Variants in PRMT8 observed in about 807,000 individuals in gnomAD.
The protein encoded by PRMT8 is protein arginine methyltransferase 8, also known as protein arginine N-methyltransferase 8.
PRMT8 carries 7 observed loss-of-function variants against 47.1 expected under a neutral mutation model. The observed-to-expected ratio is 0.15, with a 90% CI of 0.08 to 0.28. PRMT8 has a LOEUF of 0.28. Ranked by LOEUF, PRMT8 falls within the 10% of genes least tolerant of loss-of-function variation. The probability of loss-of-function intolerance (pLI) is 1.00; values close to 1 mark genes in which losing one functional copy is unlikely to be tolerated. For missense variants in PRMT8, 237 were observed against 505.4 expected (o/e 0.47, Z 5.09); for synonymous variants, 188 against 186.5 (o/e 1.01, Z -0.07).
At chr12:3,416,155 C>A (rs1864481785) in intron 1 of PRMT8, among the ~76,000 whole-genome samples, 2 of 152,238 alleles carry the variant, frequency 1.3e-5, no homozygotes, top group Non-Finnish European at 2.9e-5. Context: ...CGGGCCTCTC[C>A]TCTAACTCCT....
In PRMT8 at chr12:3,493,012, C is replaced by T. The variant is rs905971970; in HGVS notation, c.75+1312C>T. Reference sequence around the variant, plus strand: ...TTCTTCCCTCGAGTTCTTAACTCTGCGCTAAAACCCCTACCCCACGGCGTA... The same window carrying T: ...TTCTTCCCTCGAGTTCTTAACTCTGTGCTAAAACCCCTACCCCACGGCGTA... On this transcript the variant is annotated intron_variant, in intron 1 of 9. Coordinates refer to ENST00000382622, the MANE Select transcript of PRMT8 (RefSeq NM_019854.5). This position sits in a 1 kb window ranked among gnomAD's most constrained non-coding sequence, Gnocchi z 8.2. Among the ~76,000 whole-genome samples, 2 of 152,096 alleles carry T rather than the reference C, an allele frequency of 1.3e-5. No individual in the cohort carries two copies. The highest frequency in any genetic ancestry group is 1.3e-4 in the Admixed American group (2 of 15,280).
At chr12:3,584,500 G>A (rs969093525) in intron 8 of PRMT8, among the ~76,000 whole-genome samples, 11 of 152,158 alleles carry the variant, frequency 7.2e-5, no homozygotes, top group African/African-American at 2.2e-4. Context: ...TGTCCTCAGG[G>A]TGAACCTAAC....
At chr12:3,389,248 A>G (rs12824071) in intron 1 of PRMT8, among the ~76,000 whole-genome samples, 16,704 of 152,150 alleles carry the variant, frequency 0.11, 1,593 homozygotes, top group African/African-American at 0.24. Context: ...TTGTAGATGA[A>G]GAAACTGAGC....
chr12:3,587,564 C>T (rs1867207731), intron 8 of PRMT8, among the ~76,000 whole-genome samples: 2 of 152,154 alleles, frequency 1.3e-5, no homozygotes, highest in African/African-American at 4.8e-5. Context: ...TCTGCATCTT[C>T]CTGGATGCCC....
At chr12:3,442,709 A>T (rs879812794) in intron 1 of PRMT8, among the ~76,000 whole-genome samples, 2 of 152,144 alleles carry the variant, frequency 1.3e-5, no homozygotes, top group African/African-American at 2.4e-5. Flanking sequence ...CCCAGGCTGG[A>T]GTGCAATGGC....
intron 1 of PRMT8, among the ~76,000 whole-genome samples, chr12:3,394,420 AG>A (rs1201701380): frequency 2.6e-5 from 4 of 152,250 alleles, no homozygotes; most frequent in Admixed American, 1.3e-4. Flanking sequence ...TTTAGCATGA[AG>A]GGTTGTTGAA....
intron 1 of PRMT8, among the ~76,000 whole-genome samples, chr12:3,405,871 C>T (rs1864368133): frequency 6.6e-6 from 1 of 152,198 alleles, no homozygotes; most frequent in African/African-American, 2.4e-5. Context: ...AAGTACCATT[C>T]TGAGATCTGG....
chr12:3,440,654 T>C (rs1375181442), intron 1 of PRMT8, among the ~76,000 whole-genome samples: 7 of 152,104 alleles, frequency 4.6e-5, no homozygotes, highest in Non-Finnish European at 8.8e-5. Context: ...TATTGCAGTG[T>C]TCCACAATCT....
intron 1 of PRMT8, among the ~76,000 whole-genome samples, chr12:3,484,081 A>G (rs1344622435): frequency 6.6e-6 from 1 of 152,146 alleles, no homozygotes; most frequent in Non-Finnish European, 1.5e-5. Flanking sequence ...AGTAATTAAC[A>G]TTACTTACAG....
chr12:3,577,296 C>T (rs1456426666), intron 7 of PRMT8, among the ~76,000 whole-genome samples: 2 of 152,178 alleles, frequency 1.3e-5, no homozygotes, highest in Admixed American at 6.5e-5. Flanking sequence ...AAGAGGAGAG[C>T]GTGCTCAGGT....
rs186868468 is a variant in PRMT8 at position 3,577,228 on chromosome 12, G to A, written c.828+242G>A. Among the ~76,000 whole-genome samples, 705 of 152,362 alleles carry A rather than the reference G, an allele frequency of 4.6e-3. 8 individuals are homozygous for A. Among genetic ancestry groups the A allele is most frequent in the African/African-American group, 0.016 (681 of 41,574 alleles). ...GGGCCCCAGCACAGGGGCCCTGGTG[G>A]CGTGCAGAAGGGTGGGGGTGCAGGG... On this transcript the variant is annotated intron_variant, in intron 7 of 9. Coordinates refer to ENST00000382622, the MANE Select transcript of PRMT8 (RefSeq NM_019854.5).
rs1386565068 is a variant in PRMT8, at chr12:3,569,979, C to G, written c.712+415C>G. On this transcript the variant is annotated intron_variant, in intron 6 of 9. Coordinates refer to ENST00000382622, the MANE Select transcript of PRMT8 (RefSeq NM_019854.5). The surrounding 1 kb of genome is among the most constrained non-coding windows in gnomAD (Gnocchi z 8.2). Reference sequence around the variant, plus strand: ...AGGCCAATTGTTTTGAATCCTGCCTCCATTCCATTCAAACTTATCAAAATA... The same window carrying G: ...AGGCCAATTGTTTTGAATCCTGCCTGCATTCCATTCAAACTTATCAAAATA... Among the ~76,000 whole-genome samples, 1 of 152,158 alleles carries G rather than the reference C, an allele frequency of 6.6e-6. No homozygotes were observed. The highest frequency in any genetic ancestry group is 1.5e-5 in the Non-Finnish European group (1 of 68,042).
At chr12:3,394,525 G>A (rs1407977034) in intron 1 of PRMT8, among the ~76,000 whole-genome samples, 26 of 151,400 alleles carry the variant, frequency 1.7e-4, no homozygotes, top group South Asian at 6.3e-4. Context: ...ATTGATTTGC[G>A]TATATTGAAC....
Position 3,492,604 on chromosome 12 carries a change from C to G in PRMT8, c.75+904C>G, listed in dbSNP as rs1865439614. ...CCGCAGAGAGCCCTGCTGGGCTTTG[C>G]GTCCCGAGACTCGAGGCTGTGATCC... is the stretch of plus-strand genomic sequence containing the variant. On this transcript the variant is annotated intron_variant, in intron 1 of 9. Transcript: ENST00000382622. This position sits in a 1 kb window ranked among gnomAD's most constrained non-coding sequence, Gnocchi z 7.5. 6.6e-6 allele frequency among the ~76,000 whole-genome samples: 1 copy of G among 152,236 alleles called. No individual in the cohort carries two copies. The highest frequency in any genetic ancestry group is 1.5e-5 in the Non-Finnish European group (1 of 68,036).
rs537382894 is a variant in PRMT8, at chr12:3,430,061, T to G, written c.48+48619T>G. ...TATTCAGCTGGGAGCACCGGCAGAC[T>G]CATGTCTCCAAAAACTGAGCTCTCT... On this transcript the variant is annotated intron_variant, in intron 1 of 9. Coordinates refer to the PRMT8 transcript ENST00000452611. Among the ~76,000 whole-genome samples, 17 of 152,312 alleles carry G rather than the reference T, an allele frequency of 1.1e-4. No individual in the cohort carries two copies. The South Asian group carries it at 3.5e-3, about 32-fold the overall frequency.
intron 1 of PRMT8, among the ~76,000 whole-genome samples, chr12:3,418,626 C>CG (rs1864507666): frequency 6.6e-6 from 1 of 152,170 alleles, no homozygotes; most frequent in African/African-American, 2.4e-5. Flanking sequence ...TGTGTGGAGG[C>CG]GGGGATTACT....
At chr12:3,464,329 T>C (rs989594982) in intron 1 of PRMT8, among the ~76,000 whole-genome samples, 53 of 150,958 alleles carry the variant, frequency 3.5e-4, no homozygotes, top group African/African-American at 1.3e-3. Context: ...TCACCTCAAC[T>C]CCTAACGTGC....
intron 1 of PRMT8, among the ~76,000 whole-genome samples, chr12:3,411,313 A>G (rs1269782408): frequency 1.3e-5 from 2 of 152,196 alleles, no homozygotes; most frequent in African/African-American, 4.8e-5. Context: ...TTCTGGGTTC[A>G]TTTATCTTGA....
At chr12:3,486,266 G>A (rs1865322605), upstream of PRMT8, among the ~76,000 whole-genome samples, 1 of 152,036 alleles carries the variant, frequency 6.6e-6, no homozygotes, top group Admixed American at 6.5e-5. Flanking sequence ...CTACCTGACT[G>A]TAAGCCATTG....
Sources: gnomAD v4.1 joint callset for allele counts (sites outside exome capture counted in the v4.1 genomes callset) on GRCh38, gnomAD v4.1.1 for gene constraint, Gnocchi (gnomAD v3.1) non-coding constraint, MANE v1.5 for transcripts, NCBI Gene and HGNC (gene_info 2026-07-23, HGNC 2026-07-21) for gene names.